Variants in RXRA observed in about 807,000 individuals in gnomAD.
The protein encoded by RXRA is retinoid X receptor alpha.
Under a neutral mutation model 44.5 loss-of-function variants are expected in RXRA, and 5 were observed. That is an observed-to-expected ratio of 0.11 (90% CI 0.06 to 0.24). The LOEUF (loss-of-function observed/expected upper bound fraction) is 0.24, where lower values mean the gene tolerates loss of function less well. RXRA is among the 10% of genes least tolerant of loss of function. The pLI is 1.00. For synonymous variants in RXRA, 291 were observed against 271.4 expected, an observed-to-expected ratio of 1.07 and a Z score of -0.71; for missense variants, 412 against 646.5, an observed-to-expected ratio of 0.64 and a Z score of 3.93.
intron 1 of RXRA, among the ~76,000 whole-genome samples, chr9:134,389,117 C>CATCCGCCACCTGGGACAGTG (rs1830763254): frequency 6.6e-6 from 1 of 152,184 alleles, no homozygotes; most frequent in Non-Finnish European, 1.5e-5. Context: ...GCCACCTGGC[C>CATCCGCCACCTGGGACAGTG]GGTCCTGTCG....
chr9:134,429,041 G>C lies in RXRA; in HGVS notation c.911-67G>C, dbSNP rs1224410759. 1.9e-6 allele frequency: 3 copies of C among 1,589,998 alleles called. No individual in the cohort carries two copies. The Admixed American group carries it at 5.1e-5, about 27-fold the overall frequency. On this transcript the variant is annotated intron_variant, in intron 6 of 9. Transcript: ENST00000481739. The stretch of plus-strand genomic sequence containing the variant: ...TGCTGCCTCTGTAGGGTCCCACCAG[G>C]GGCTGGGGAAGGGGCGAGCCCCGTG...
At chr9:134,378,639 G>A (rs1830594630) in intron 1 of RXRA, among the ~76,000 whole-genome samples, 1 of 152,362 alleles carries the variant, frequency 6.6e-6, no homozygotes. Flanking sequence ...CCTCAGGACT[G>A]TGGCCATTAG....
At chr9:134,371,243 A>T (rs1830487797) in intron 1 of RXRA, among the ~76,000 whole-genome samples, 1 of 151,796 alleles carries the variant, frequency 6.6e-6, no homozygotes, top group Non-Finnish European at 1.5e-5. Context: ...GCCTTGTCTG[A>T]TGTGTGGCTT....
At chr9:134,404,490 G>GAGTGAGTT (rs548530346) in intron 2 of RXRA, 81 of 152,478 alleles carry the variant, frequency 5.3e-4, no homozygotes, top group African/African-American at 1.8e-3. Flanking sequence ...GGTATTGGTG[G>GAGTGAGTT]AGTGAGTTGG....
At chr9:134,333,598 A>G (rs906369598) in intron 1 of RXRA, among the ~76,000 whole-genome samples, 2 of 152,156 alleles carry the variant, frequency 1.3e-5, no homozygotes, top group African/African-American at 2.4e-5. Flanking sequence ...GTTCAAAGAC[A>G]ACCCCGGGTG....
intron 1 of RXRA, among the ~76,000 whole-genome samples, chr9:134,347,238 G>C (rs1830164075): frequency 6.6e-6 from 1 of 152,206 alleles, no homozygotes; most frequent in South Asian, 2.1e-4. Context: ...AGCAGGTAGA[G>C]AAAGGGTTAA....
intron 6 of RXRA, chr9:134,423,509 T>G: frequency 3.0e-6 from 3 of 985,442 alleles, no homozygotes; most frequent in Non-Finnish European, 3.6e-6. Flanking sequence ...CCACACAGGC[T>G]GTGTGTATAG....
intron 6 of RXRA, chr9:134,423,983 C>A (rs968980192): frequency 3.1e-6 from 3 of 982,512 alleles, no homozygotes; most frequent in Non-Finnish European, 3.6e-6. Flanking sequence ...AGGTCCGAGT[C>A]GGGTTGGATG....
chr9:134,365,782 G>C lies in RXRA; in HGVS notation c.29-35850G>C, dbSNP rs985084219. Reference sequence around the variant, plus strand: ...TGTCGGTGGGTGAGGTGCCCCAGGGGAAGGGAGGGCCAGCCCAGAAGGACC... The same window carrying C: ...TGTCGGTGGGTGAGGTGCCCCAGGGCAAGGGAGGGCCAGCCCAGAAGGACC... On this transcript the variant is annotated intron_variant, in intron 1 of 9. Transcript: ENST00000481739. This position sits in a 1 kb window ranked among gnomAD's most constrained non-coding sequence, Gnocchi z 4.0. Among the ~76,000 whole-genome samples, 1 of 152,018 alleles carries C rather than the reference G, an allele frequency of 6.6e-6. No individual in the cohort carries two copies. Among genetic ancestry groups the C allele is most frequent in the Non-Finnish European group, 1.5e-5 (1 of 67,954 alleles).
chr9:134,366,407 G>A lies in RXRA; in HGVS notation c.29-35225G>A, dbSNP rs974922146. Among the ~76,000 whole-genome samples the A allele has an allele frequency of 3.9e-5, 6 of 152,144 alleles. No individual in the cohort carries two copies. Among genetic ancestry groups the A allele is most frequent in the Admixed American group, 2.0e-4 (3 of 15,284 alleles). On this transcript the variant is annotated intron_variant, in intron 1 of 9. Coordinates refer to ENST00000481739, the MANE Select transcript of RXRA (RefSeq NM_002957.6). The surrounding 1 kb of genome is among the most constrained non-coding windows in gnomAD (Gnocchi z 5.9). Reference sequence around the variant, plus strand: ...CGGTTCCCAGCTTCCTCTGCAGGGCGGGGCTGCTCCAGTCTCTTACACCAG... The same window carrying A: ...CGGTTCCCAGCTTCCTCTGCAGGGCAGGGCTGCTCCAGTCTCTTACACCAG...
chr9:134,412,623 G>A (rs957907641), intron 4 of RXRA, among the ~76,000 whole-genome samples: 2 of 152,224 alleles, frequency 1.3e-5, no homozygotes, highest in Non-Finnish European at 2.9e-5. Flanking sequence ...CGGGACCAGG[G>A]GTGGGCAGAG....
chr9:134,398,374 C>CGCATGTGG (rs61416113), intron 1 of RXRA, among the ~76,000 whole-genome samples: 1 of 151,726 alleles, frequency 6.6e-6, no homozygotes, highest in Non-Finnish European at 1.5e-5. Flanking sequence ...AGAGCCCACA[C>CGCATGTGG]ACGGGGCCCT....
intron 6 of RXRA, chr9:134,422,642 G>C: frequency 1.0e-6 from 1 of 975,792 alleles, no homozygotes. Context: ...CCCTCTCCCC[G>C]GACACTCCCC....
intron 1 of RXRA, among the ~76,000 whole-genome samples, chr9:134,332,242 G>C (rs1554746747): frequency 6.6e-6 from 1 of 152,214 alleles, no homozygotes; most frequent in African/African-American, 2.4e-5. Context: ...GGGCAGCACT[G>C]TCTGCAGCAA....
At chr9:134,384,065 C>A (rs1385724323) in intron 1 of RXRA, among the ~76,000 whole-genome samples, 1 of 152,160 alleles carries the variant, frequency 6.6e-6, no homozygotes, top group East Asian at 1.9e-4. Context: ...CCCAGACCCT[C>A]CACACTGTCA....
At chr9:134,381,853 C>T (rs1830651441) in intron 1 of RXRA, among the ~76,000 whole-genome samples, 1 of 152,120 alleles carries the variant, frequency 6.6e-6, no homozygotes, top group Non-Finnish European at 1.5e-5. Flanking sequence ...GAAGTGGCCA[C>T]AAGGTGCCTT....
intron 1 of RXRA, among the ~76,000 whole-genome samples, chr9:134,369,807 T>A (rs1395359552): frequency 2.0e-5 from 3 of 152,116 alleles, no homozygotes; most frequent in African/African-American, 7.2e-5. Flanking sequence ...GAGGAGAGGC[T>A]GAGTCCAGAG....
chr9:134,331,132 G>A (rs1834998227), intron 1 of RXRA, among the ~76,000 whole-genome samples: 1 of 152,180 alleles, frequency 6.6e-6, no homozygotes, highest in African/African-American at 2.4e-5. Context: ...CTGCTGCTGG[G>A]TCCTTGGGAC....
chr9:134,418,390 G>T (rs12004786), intron 5 of RXRA, among the ~76,000 whole-genome samples: 2 of 152,054 alleles, frequency 1.3e-5, no homozygotes, highest in South Asian at 4.1e-4. Flanking sequence ...CTGTGTCTCC[G>T]TGTGGGTTTG....
Sources: gnomAD v4.1 joint callset for allele counts (sites outside exome capture counted in the v4.1 genomes callset) on GRCh38, gnomAD v4.1.1 for gene constraint, Gnocchi (gnomAD v3.1) non-coding constraint, MANE v1.5 for transcripts, NCBI Gene and HGNC (gene_info 2026-07-23, HGNC 2026-07-21) for gene names.